DHRSX: variants seen among roughly 807,000 people sequenced by gnomAD.
DHRSX encodes the protein polyprenol dehydrogenase.
Under a neutral mutation model 34.0 loss-of-function variants are expected in DHRSX, and 31 were observed. That is an observed-to-expected ratio of 0.91 (90% CI 0.69 to 1.23). The LOEUF (loss-of-function observed/expected upper bound fraction) is 1.23. Among genes scored for constraint, DHRSX ranks in the 50% most tolerant of loss-of-function variants. The pLI is 0.00. For synonymous variants in DHRSX, 201 were observed against 183.8 expected, an observed-to-expected ratio of 1.09 and a Z score of -0.76; for missense variants, 414 against 428.1, an observed-to-expected ratio of 0.97 and a Z score of 0.29.
chrX:2,408,941 C>T lies in DHRSX; in HGVS notation c.218-128G>A. ...CTGAAATGTGCCTTTGATGGACTTT[C>T]CCTTTATCCTAGCGTCTAACTTGAC... On this transcript the variant is annotated intron_variant, in intron 2 of 6. Coordinates refer to ENST00000334651, the MANE Select transcript of DHRSX (RefSeq NM_145177.3). The T allele has an allele frequency of 5.0e-6, 4 of 799,938 alleles. No homozygotes were observed. The South Asian group carries it at 6.8e-5, about 14-fold the overall frequency. 49.6% of individuals were successfully genotyped at this position (799,938 alleles called of 1,614,324 possible).
Position 2,417,085 on chromosome X carries a change from G to C in DHRSX, c.217+8112C>G, listed in dbSNP as rs189726728. On this transcript the variant is annotated intron_variant, in intron 2 of 6. Coordinates refer to ENST00000334651, the MANE Select transcript of DHRSX (RefSeq NM_145177.3). ...TGGATTGACCTGAAGGGTCAAAACT[G>C]TAACTCACAGTGAAAATTAAACACT... Among the ~76,000 whole-genome samples, 75 of 152,292 alleles carry C rather than the reference G, an allele frequency of 4.9e-4. No homozygotes were observed. In the East Asian group the frequency reaches 0.013, roughly 26 times the overall value.
At chrX:2,419,475 C>T (rs1385692502) in intron 2 of DHRSX, among the ~76,000 whole-genome samples, 2 of 152,102 alleles carry the variant, frequency 1.3e-5, no homozygotes, top group African/African-American at 4.8e-5. Context: ...TGGGTATATA[C>T]CCAAAGGATT....
intron 1 of DHRSX, among the ~76,000 whole-genome samples, chrX:2,464,541 G>T (rs1210511939): frequency 7.4e-6 from 1 of 135,892 alleles, no homozygotes; most frequent in Non-Finnish European, 1.6e-5. Flanking sequence ...AAGAATGTGG[G>T]TAAGGGACCC....
chrX:2,467,318 A>G (rs182680928), intron 1 of DHRSX, among the ~76,000 whole-genome samples: 14 of 152,094 alleles, frequency 9.2e-5, no homozygotes, highest in African/African-American at 3.4e-4. Context: ...TCAAACAATG[A>G]GTACAACAGC....
chrX:2,378,444 C>A (rs374554430), intron 3 of DHRSX, among the ~76,000 whole-genome samples: 69 of 152,272 alleles, frequency 4.5e-4, no homozygotes, highest in African/African-American at 1.6e-3. Flanking sequence ...ACACCCCCTT[C>A]TCTTCCTCCT....
rs773476210 is a variant in DHRSX at position 2,490,712 on chromosome X, T to C, written c.109+10105A>G. ...TGTCTGGGAGCTCTCCAGGCTTTTA[T>C]TCTCCATTGCTTCTCCACCGGAGCC... On this transcript the variant is annotated intron_variant, in intron 1 of 6. Coordinates refer to ENST00000334651, the MANE Select transcript of DHRSX (RefSeq NM_145177.3). 3 of 1,612,968 alleles carry C rather than the reference T, an allele frequency of 1.9e-6. No individual in the cohort carries two copies. The South Asian group carries it at 3.3e-5, about 18-fold the overall frequency.
intron 3 of DHRSX, among the ~76,000 whole-genome samples, chrX:2,371,821 A>G (rs2043076400): frequency 6.6e-6 from 1 of 152,056 alleles, no homozygotes; most frequent in Non-Finnish European, 1.5e-5. Flanking sequence ...TTCAAATGAA[A>G]CTGTTGCTAC....
At chrX:2,409,648 G>A (rs1021349394) in intron 2 of DHRSX, among the ~76,000 whole-genome samples, 1 of 152,158 alleles carries the variant, frequency 6.6e-6, no homozygotes, top group Non-Finnish European at 1.5e-5. Context: ...ATGGAAAGAG[G>A]TGTTTTGCTT....
At chrX:2,441,278 G>A (rs1460021341) in intron 1 of DHRSX, among the ~76,000 whole-genome samples, 1 of 152,164 alleles carries the variant, frequency 6.6e-6, no homozygotes, top group Non-Finnish European at 1.5e-5. Context: ...TTGACAGGAG[G>A]GGAAGAGGCC....
intron 3 of DHRSX, among the ~76,000 whole-genome samples, chrX:2,322,003 GGGTACTGGT>G (rs2042317707): frequency 6.6e-6 from 1 of 151,918 alleles, no homozygotes; most frequent in African/African-American, 2.4e-5. Flanking sequence ...TAAGTGATTG[GGGTACTGGT>G]GGTATTTGGT....
intron 1 of DHRSX, among the ~76,000 whole-genome samples, chrX:2,448,560 T>G (rs1467376189): frequency 2.7e-5 from 4 of 150,124 alleles, no homozygotes; most frequent in East Asian, 3.9e-4. Context: ...TTAATTAGCT[T>G]GATTGTTAAT....
intron 4 of DHRSX, among the ~76,000 whole-genome samples, chrX:2,268,022 C>A (rs2041498225): frequency 6.6e-6 from 1 of 152,166 alleles, no homozygotes. Context: ...GCTCAGATGT[C>A]CTTTGAGAAA....
At chrX:2,409,593 C>G (rs1018305787) in intron 2 of DHRSX, among the ~76,000 whole-genome samples, 1 of 152,062 alleles carries the variant, frequency 6.6e-6, no homozygotes, top group Non-Finnish European at 1.5e-5. Flanking sequence ...ACTGCACTTC[C>G]GTAAAACTCT....
At chrX:2,399,976 C>A (rs2043466794) in intron 3 of DHRSX, among the ~76,000 whole-genome samples, 1 of 152,046 alleles carries the variant, frequency 6.6e-6, no homozygotes, top group Non-Finnish European at 1.5e-5. Context: ...TTTGAGGCTG[C>A]AGTGAGCTAT....
At chrX:2,386,314 G>T in intron 3 of DHRSX, among the ~76,000 whole-genome samples, 2 of 152,152 alleles carry the variant, frequency 1.3e-5, no homozygotes, top group East Asian at 3.9e-4. Flanking sequence ...CACCTCCCAG[G>T]TTCAAGCAAT....
intron 3 of DHRSX, among the ~76,000 whole-genome samples, chrX:2,385,134 G>A (rs865927331): frequency 2.0e-4 from 27 of 136,044 alleles, no homozygotes; most frequent in Admixed American, 1.1e-3. Context: ...GTGTGTGTGT[G>A]TGTATGTGTA....
intron 1 of DHRSX, among the ~76,000 whole-genome samples, chrX:2,494,187 G>C (rs1456149929): frequency 1.3e-5 from 2 of 151,648 alleles, no homozygotes; most frequent in Admixed American, 1.3e-4. Flanking sequence ...CTGGGGCCAA[G>C]GTTTATATTC....
In DHRSX at chrX:2,328,082, A is replaced by AAAAAAAAAG. The variant is rs2042410246; in HGVS notation, c.287-36488_287-36480dup. On this transcript the variant is annotated intron_variant, in intron 3 of 6. Transcript: ENST00000334651. ...GCGACAGAGCGAGACTCCGTCTCAA[A>AAAAAAAAAG]AAAAAAAAGAGGAGGAGATGAGGAC... Among the ~76,000 whole-genome samples the AAAAAAAAAG allele has an allele frequency of 1.3e-5, 2 of 151,328 alleles. 1 individual carries two copies. The highest frequency in any genetic ancestry group is 1.3e-4 in the Admixed American group (2 of 15,180).
chrX:2,475,557 G>A (rs1030400686), intron 1 of DHRSX, among the ~76,000 whole-genome samples: 4 of 151,966 alleles, frequency 2.6e-5, no homozygotes, highest in East Asian at 1.9e-4. Flanking sequence ...CTAAGGGACC[G>A]CCGCCAGGTA....
Sources: allele counts gnomAD v4.1 joint callset (sites outside exome capture counted in the v4.1 genomes callset), GRCh38; gene constraint gnomAD v4.1.1; transcripts MANE v1.5; gene names NCBI Gene and HGNC (gene_info 2026-07-23, HGNC 2026-07-21).